The following LRP1B variants were observed in gnomAD, a reference collection of about 807,000 sequenced individuals.
LRP1B encodes the protein LDL receptor related protein 1B, also known as low-density lipoprotein receptor-related protein 1B.
A neutral mutation model predicts 556.6 loss-of-function variants in LRP1B; 217 were observed. The ratio of observed to expected loss-of-function variants is 0.39; its 90% confidence interval spans 0.35 to 0.44. LRP1B has a LOEUF of 0.44. LRP1B is among the 20% of genes least tolerant of loss of function. The pLI, the probability that LRP1B is intolerant of heterozygous loss-of-function variation, is 1.00. For synonymous variants in LRP1B, 2,047 were observed against 1,865.8 expected (o/e 1.10, Z -2.50); for missense variants, 5,053 against 5,620.8 (o/e 0.90, Z 3.23).
rs1453810698 is a variant in LRP1B at position 141,586,395 on chromosome 2, A to C, written c.206-105862T>G. Among the ~76,000 whole-genome samples, 6 of 152,170 alleles carry C rather than the reference A, an allele frequency of 3.9e-5. No individual in the cohort carries two copies. In the East Asian group the frequency reaches 1.2e-3, roughly 29 times the overall value. ...TTTGTAGAAATATAAAGGGATTATG[A>C]AAATAAAATGAAAGGCTGGACTCTA... On this transcript the variant is annotated intron_variant, in intron 2 of 90. Coordinates refer to ENST00000389484, the MANE Select transcript of LRP1B (RefSeq NM_018557.3).
chr2:142,130,783 G>C lies in LRP1B; in HGVS notation c.-54C>G, dbSNP rs1707821823. The C allele has an allele frequency of 6.6e-7, 1 of 1,507,140 alleles. No homozygotes were observed. Among genetic ancestry groups the C allele is most frequent in the African/African-American group, 1.4e-5 (1 of 72,030 alleles). The allele number at this position is 1,507,140 out of a possible 1,614,324, so 93.4% of individuals were successfully genotyped here. ...TGGAGACTGCTCGGCGGCACCTTCG[G>C]CCCGGCGGCGGCGGCGGCGGCAGGG... is the stretch of plus-strand genomic sequence containing the variant. On this transcript the variant is annotated 5_prime_UTR_variant, in exon 1 of 91. Coordinates refer to ENST00000389484, the MANE Select transcript of LRP1B (RefSeq NM_018557.3).
At chr2:141,981,450 C>T (rs562996718) in intron 1 of LRP1B, among the ~76,000 whole-genome samples, 3 of 151,950 alleles carry the variant, frequency 2.0e-5, no homozygotes. Context: ...ATATGAGGCA[C>T]AAGAGAGAGA....
At chr2:141,074,416 G>T (rs1699726498) in intron 7 of LRP1B, among the ~76,000 whole-genome samples, 1 of 151,518 alleles carries the variant, frequency 6.6e-6, no homozygotes, top group South Asian at 2.1e-4. Context: ...TATTTTACTT[G>T]CATAAAATAG....
chr2:140,424,158 A>G (rs940471707), intron 66 of LRP1B, among the ~76,000 whole-genome samples: 6 of 152,202 alleles, frequency 3.9e-5, no homozygotes, highest in African/African-American at 1.4e-4. Flanking sequence ...AGGAAGAAGC[A>G]CTGAGTGGGG....
intron 1 of LRP1B, among the ~76,000 whole-genome samples, chr2:142,080,747 C>T (rs72849872): frequency 0.21 from 31,543 of 152,076 alleles, 3,497 homozygotes; most frequent in Middle Eastern, 0.43. Flanking sequence ...ATTGACTCCA[C>T]CTCCTCTCCT....
chr2:142,079,472 C>T (rs1384500232), intron 1 of LRP1B, among the ~76,000 whole-genome samples: 1 of 151,146 alleles, frequency 6.6e-6, no homozygotes, highest in Non-Finnish European at 1.5e-5. Flanking sequence ...ATTTTTCATA[C>T]ATCCAATATT....
chr2:141,062,555 C>T (rs951688350), intron 7 of LRP1B, among the ~76,000 whole-genome samples: 1 of 151,702 alleles, frequency 6.6e-6, no homozygotes, highest in African/African-American at 2.4e-5. Context: ...TTTCTTTAAG[C>T]CTCATGGAGC....
intron 1 of LRP1B, among the ~76,000 whole-genome samples, chr2:142,022,001 G>A (rs769145472): frequency 5.3e-5 from 8 of 152,016 alleles, no homozygotes; most frequent in Non-Finnish European, 7.4e-5. Context: ...TCATAAAAAC[G>A]TAAATTTGCA....
At chr2:141,864,577 A>C (rs946884256) in intron 1 of LRP1B, among the ~76,000 whole-genome samples, 2 of 151,878 alleles carry the variant, frequency 1.3e-5, no homozygotes, top group Admixed American at 6.6e-5. Flanking sequence ...AAAAAAAAAA[A>C]AACTTATGAA....
intron 2 of LRP1B, among the ~76,000 whole-genome samples, chr2:141,737,114 G>C (rs1451807475): frequency 2.0e-5 from 3 of 152,148 alleles, no homozygotes; most frequent in African/African-American, 7.2e-5. Context: ...AACACTTTGG[G>C]AGGCTTAGGC....
intron 60 of LRP1B, among the ~76,000 whole-genome samples, chr2:140,462,412 C>A (rs1181916428): frequency 6.6e-6 from 1 of 152,150 alleles, no homozygotes; most frequent in East Asian, 1.9e-4. Flanking sequence ...ACAAATCATG[C>A]ATTGCTTTTT....
intron 2 of LRP1B, among the ~76,000 whole-genome samples, chr2:141,608,241 G>T (rs530033353): frequency 2.6e-5 from 4 of 152,046 alleles, no homozygotes; most frequent in Non-Finnish European, 4.4e-5. Context: ...AAAAAGAAAA[G>T]AAATAATTTG....
intron 35 of LRP1B, among the ~76,000 whole-genome samples, chr2:140,750,497 T>C (rs1231865300): frequency 6.6e-6 from 1 of 152,224 alleles, no homozygotes; most frequent in East Asian, 1.9e-4. Flanking sequence ...TATATATCTA[T>C]ATCTGTATTG....
chr2:141,124,826 A>G (rs1359200346), intron 7 of LRP1B, among the ~76,000 whole-genome samples: 1 of 151,976 alleles, frequency 6.6e-6, no homozygotes, highest in Non-Finnish European at 1.5e-5. Flanking sequence ...TCTTTTTTCT[A>G]TTTTTATTGA....
intron 11 of LRP1B, among the ~76,000 whole-genome samples, chr2:141,027,252 C>A (rs546379857): frequency 2.0e-5 from 3 of 152,132 alleles, no homozygotes; most frequent in Non-Finnish European, 4.4e-5. Flanking sequence ...ACTTTGATAA[C>A]CTTTGGCAAA....
intron 1 of LRP1B, among the ~76,000 whole-genome samples, chr2:142,116,907 T>G (rs1362329301): frequency 1.3e-5 from 2 of 152,172 alleles, no homozygotes; most frequent in Non-Finnish European, 2.9e-5. Context: ...CAAACCTAAA[T>G]GTGATCTCAT....
intron 41 of LRP1B, among the ~76,000 whole-genome samples, chr2:140,664,991 A>C (rs963031491): frequency 6.6e-6 from 1 of 152,184 alleles, no homozygotes; most frequent in African/African-American, 2.4e-5. Flanking sequence ...TTAGATTTAA[A>C]CAACCAAATT....
intron 7 of LRP1B, among the ~76,000 whole-genome samples, chr2:141,109,983 A>G (rs1291902796): frequency 6.6e-6 from 1 of 152,194 alleles, no homozygotes; most frequent in East Asian, 1.9e-4. Context: ...TGCAATGATG[A>G]TATGAAAGGG....
In LRP1B at chr2:140,851,638, T is replaced by A; in HGVS notation, c.4711+14A>T. The A allele has an allele frequency of 6.2e-7, 1 of 1,604,122 alleles. No homozygotes were observed. On this transcript the variant is annotated intron_variant, in intron 28 of 90. Transcript: ENST00000389484. ...TTTTGTTTTTATTTTCGATTAGAAC[T>A]GTAAGAAATTTACCATAGCAGGTCT...
Sources: gnomAD v4.1 joint callset for allele counts (sites outside exome capture counted in the v4.1 genomes callset) on GRCh38, gnomAD v4.1.1 for gene constraint, MANE v1.5 for transcripts, NCBI Gene and HGNC (gene_info 2026-07-23, HGNC 2026-07-21) for gene names.